ZBTB20: variants seen among roughly 807,000 people sequenced by gnomAD.
The protein encoded by ZBTB20 is zinc finger and BTB domain containing 20, also known as zinc finger and BTB domain-containing protein 20.
ZBTB20 carries 9 observed loss-of-function variants against 56.9 expected under a neutral mutation model. That is an observed-to-expected ratio of 0.16 (90% CI 0.10 to 0.28). The LOEUF is 0.28. ZBTB20 is among the 10% of genes least tolerant of loss of function. ZBTB20 has a pLI of 1.00. For synonymous variants in ZBTB20, 417 were observed against 420.7 expected (o/e 0.99, Z 0.11); for missense variants, 655 against 1,003.0 (o/e 0.65, Z 4.69).
intron 4 of ZBTB20, among the ~76,000 whole-genome samples, chr3:114,868,179 T>C (rs996494930): frequency 2.0e-5 from 3 of 152,236 alleles, no homozygotes; most frequent in African/African-American, 7.2e-5. Flanking sequence ...CCAATTCCAA[T>C]GTGTGGTATC....
At chr3:114,736,206 G>C (rs916363396) in intron 5 of ZBTB20, among the ~76,000 whole-genome samples, 4 of 152,056 alleles carry the variant, frequency 2.6e-5, no homozygotes, top group African/African-American at 7.2e-5. Flanking sequence ...AATAGTAGAG[G>C]TTCTATTGTC....
At chr3:115,114,205 T>C (rs1032734845) in intron 1 of ZBTB20, among the ~76,000 whole-genome samples, 5 of 152,152 alleles carry the variant, frequency 3.3e-5, no homozygotes, top group South Asian at 4.1e-4. Context: ...AGTAAATATG[T>C]GTCATTCTCT....
chr3:115,129,654 GCTGT>G (rs937440574), intron 1 of ZBTB20, among the ~76,000 whole-genome samples: 13 of 152,226 alleles, frequency 8.5e-5, no homozygotes, highest in African/African-American at 3.1e-4. Context: ...GCTGTATTTA[GCTGT>G]CTGTGGCCAT....
At chr3:114,636,545 G>A (rs1052716261) in intron 6 of ZBTB20, among the ~76,000 whole-genome samples, 1 of 152,014 alleles carries the variant, frequency 6.6e-6, no homozygotes. Flanking sequence ...TGTGTATATA[G>A]GAGAAGTAAA....
intron 2 of ZBTB20, among the ~76,000 whole-genome samples, chr3:115,041,396 T>C (rs952562738): frequency 6.6e-6 from 1 of 152,158 alleles, no homozygotes; most frequent in African/African-American, 2.4e-5. Flanking sequence ...TCTAGTTTTT[T>C]TATTACAAAT....
chr3:114,972,944 T>C (rs1339155118), intron 3 of ZBTB20, among the ~76,000 whole-genome samples: 1 of 152,074 alleles, frequency 6.6e-6, no homozygotes, highest in African/African-American at 2.4e-5. Flanking sequence ...CAAAATATAC[T>C]TTACCTTGAT....
In ZBTB20 at chr3:114,327,869, A is replaced by C. The variant is rs2079112067; in HGVS notation, c.*11136T>G. The C allele has an allele frequency of 6.6e-6, 1 of 152,218 alleles. No homozygotes were observed. Among genetic ancestry groups the C allele is most frequent in the Non-Finnish European group, 1.5e-5 (1 of 68,046 alleles). The allele number at this position is 152,218 out of a possible 1,614,324, so 9.4% of individuals were successfully genotyped here. A position where few individuals can be genotyped will look rare whatever the true frequency, so the allele number is the denominator to read the frequency against. ...TATCATGGCAAGAATATTGGACCAG[A>C]AGTCAGGAAAGACTGTGTTACGAAG... On this transcript the variant is annotated 3_prime_UTR_variant, in exon 12 of 12. Coordinates refer to ENST00000675478, the MANE Select transcript of ZBTB20 (RefSeq NM_001348800.3).
rs200381615 is a variant in ZBTB20, at chr3:114,545,880, G to A, written c.-294-45489C>T. ...TAATTCTAAGTCTTTTTTTAACCCC[G>A]AAACTATTTTCCCTGAAGCAATCCA... On this transcript the variant is annotated intron_variant, in intron 6 of 11. Transcript: ENST00000675478. Among the ~76,000 whole-genome samples, 18 of 152,074 alleles carry A rather than the reference G, an allele frequency of 1.2e-4. No individual in the cohort carries two copies. The East Asian group carries it at 1.4e-3, about 11-fold the overall frequency.
chr3:114,840,922 C>G lies in ZBTB20; in HGVS notation c.-416-39748G>C, dbSNP rs550654463. ...GAACCGATCTTTCTTACTTTTCTAG[C>G]AACAAACTTTTGAAAAAAATTAAAA... On this transcript the variant is annotated intron_variant, in intron 4 of 11. Coordinates refer to ENST00000675478, the MANE Select transcript of ZBTB20 (RefSeq NM_001348800.3). Among the ~76,000 whole-genome samples, 22 of 151,948 alleles carry G rather than the reference C, an allele frequency of 1.4e-4. No homozygotes were observed. The South Asian group carries it at 4.0e-3, about 27-fold the overall frequency.
chr3:114,644,273 G>T (rs1183052953), intron 6 of ZBTB20, among the ~76,000 whole-genome samples: 2 of 152,026 alleles, frequency 1.3e-5, no homozygotes, highest in East Asian at 1.9e-4. Flanking sequence ...TAAATGGAAA[G>T]AAATTAGAAA....
intron 4 of ZBTB20, among the ~76,000 whole-genome samples, chr3:114,881,018 A>G (rs577099878): frequency 6.6e-6 from 1 of 152,252 alleles, no homozygotes; most frequent in East Asian, 1.9e-4. Context: ...TGATATTAAA[A>G]ATAAAATGAA....
chr3:114,781,265 C>T (rs1046856041), intron 5 of ZBTB20, among the ~76,000 whole-genome samples: 1 of 152,112 alleles, frequency 6.6e-6, no homozygotes, highest in Non-Finnish European at 1.5e-5. Flanking sequence ...AGGATAACAA[C>T]AGTGACTATT....
At chr3:115,026,384 T>C (rs1214171225) in intron 2 of ZBTB20, among the ~76,000 whole-genome samples, 1 of 151,054 alleles carries the variant, frequency 6.6e-6, no homozygotes, top group Non-Finnish European at 1.5e-5. Flanking sequence ...GGACCCCATC[T>C]CACCAAAGTT....
chr3:114,787,332 TATATATATA>T (rs1279949338), intron 5 of ZBTB20, among the ~76,000 whole-genome samples: 3 of 7,984 alleles, frequency 3.8e-4, no homozygotes, highest in African/African-American at 5.8e-4. Flanking sequence ...CTTAAAAGGT[TATATATATA>T]TATATATATA....
chr3:114,663,548 TA>T (rs2060870285), intron 6 of ZBTB20, among the ~76,000 whole-genome samples: 2 of 151,432 alleles, frequency 1.3e-5, no homozygotes, highest in African/African-American at 4.9e-5. Context: ...ATATTAACTT[TA>T]AATGTAAATG....
At chr3:114,993,402 A>C (rs962733248) in intron 2 of ZBTB20, among the ~76,000 whole-genome samples, 1 of 151,932 alleles carries the variant, frequency 6.6e-6, no homozygotes, top group Non-Finnish European at 1.5e-5. Context: ...AAAGATATAG[A>C]AGATTTAAAT....
chr3:114,997,442 T>C (rs1468573859), intron 2 of ZBTB20, among the ~76,000 whole-genome samples: 1 of 151,834 alleles, frequency 6.6e-6, no homozygotes, highest in Non-Finnish European at 1.5e-5. Flanking sequence ...ACATGATTAG[T>C]ATAATCCAAA....
intron 6 of ZBTB20, among the ~76,000 whole-genome samples, chr3:114,525,277 A>G (rs1176192082): frequency 6.6e-6 from 1 of 152,190 alleles, no homozygotes; most frequent in African/African-American, 2.4e-5. Context: ...GGATGAATTA[A>G]TAAATGCCCC....
chr3:114,922,862 G>A (rs1451896968), intron 3 of ZBTB20, among the ~76,000 whole-genome samples: 3 of 152,040 alleles, frequency 2.0e-5, no homozygotes, highest in Non-Finnish European at 4.4e-5. Flanking sequence ...CCACTTATGA[G>A]GAAACTACCC....
Sources: allele counts gnomAD v4.1 joint callset (sites outside exome capture counted in the v4.1 genomes callset), GRCh38; gene constraint gnomAD v4.1.1; transcripts MANE v1.5; gene names NCBI Gene and HGNC (gene_info 2026-07-23, HGNC 2026-07-21).